PDPR: variants seen among roughly 807,000 people sequenced by gnomAD.
The protein encoded by PDPR is pyruvate dehydrogenase phosphatase regulatory subunit, also known as pyruvate dehydrogenase phosphatase regulatory subunit, mitochondrial.
PDPR carries 50 observed loss-of-function variants against 102.2 expected under a neutral mutation model. That is an observed-to-expected ratio of 0.49 (90% CI 0.39 to 0.62). PDPR has a LOEUF of 0.62. Among genes scored for constraint, PDPR ranks in the 20% least tolerant of loss-of-function variants. The probability of loss-of-function intolerance (pLI) is 0.00; values close to 1 mark genes in which losing one functional copy is unlikely to be tolerated. For missense variants in PDPR, 625 were observed against 1,098.2 expected (o/e 0.57, Z 6.09); for synonymous variants, 259 against 406.0 (o/e 0.64, Z 4.35).
intron 11 of PDPR, among the ~76,000 whole-genome samples, chr16:70,141,707 C>T (rs1422276090): frequency 3.9e-5 from 6 of 152,280 alleles, no homozygotes; most frequent in Admixed American, 2.0e-4. Context: ...TGCCGTGACA[C>T]GTAGCTCCAG....
intron 3 of PDPR, among the ~76,000 whole-genome samples, chr16:70,124,232 A>G (rs888133278): frequency 2.0e-5 from 3 of 152,222 alleles, no homozygotes; most frequent in African/African-American, 7.2e-5. Context: ...GCGTGGTGGC[A>G]TAAGCCTGTA....
chr16:70,153,551 A>T lies in PDPR; in HGVS notation c.2213A>T (p.Glu738Val), dbSNP rs1197872930. Residue 738 changes from glutamate (E) to valine (V), a missense_variant, in exon 18 of 19, where the codon GAG becomes GTG. Glu to Val is a moderately radical substitution (Grantham distance 121, BLOSUM62 -2). Coordinates refer to ENST00000288050, the MANE Select transcript of PDPR (RefSeq NM_017990.5). ...ACCACGCCCCTGGAATGTGGACGAGAGTCTCGGGTGAAATTAGAGAAGGTA... is the reference window on the plus strand; with the variant it reads ...ACCACGCCCCTGGAATGTGGACGAGTGTCTCGGGTGAAATTAGAGAAGGTA... ...NLTTPLECGR[E>V]SRVKLEKGMD... 4 of 1,607,794 alleles carry T rather than the reference A, an allele frequency of 2.5e-6. No homozygotes were observed. Among genetic ancestry groups the T allele is most frequent in the Non-Finnish European group, 2.5e-6 (3 of 1,177,650 alleles).
Position 70,153,526 on chromosome 16 carries a change from A to G in PDPR, c.2188A>G (p.Thr730Ala), listed in dbSNP as rs769099248. The change falls in exon 18 of 19, where the codon ACC (threonine) becomes GCC (alanine). Residue 730 changes from threonine (T) to alanine (A), a missense_variant. Thr to Ala is a moderately conservative substitution (Grantham distance 58). Transcript: ENST00000288050. ...CTGGGGTCAGGATATAAATAACCTC[A>G]CCACGCCCCTGGAATGTGGACGAGA... Reference protein sequence around the residue: ...AFWGQDINNLTTPLECGRESR... With the variant: ...AFWGQDINNLATPLECGRESR... 4 of 1,610,970 alleles carry G rather than the reference A, an allele frequency of 2.5e-6. No homozygotes were observed. The highest frequency in any genetic ancestry group is 3.4e-6 in the Non-Finnish European group (4 of 1,178,892).
chr16:70,158,967 T>A lies in PDPR; in HGVS notation c.*2088T>A, dbSNP rs1388884737. 6.6e-6 allele frequency: 1 copy of A among 152,360 alleles called. No individual in the cohort carries two copies. The highest frequency in any genetic ancestry group is 1.5e-5 in the Non-Finnish European group (1 of 68,082). 9.4% of individuals were successfully genotyped at this position (152,360 alleles called of 1,614,324 possible). A position where few individuals can be genotyped will look rare whatever the true frequency, so the allele number is the denominator to read the frequency against. ...ATAGACATAACTCTTCAACCTTAAC[T>A]ATGGCAATACATTTGTGCTTTAACT... On this transcript the variant is annotated 3_prime_UTR_variant, in exon 19 of 19. Transcript: ENST00000288050.
rs528978746 is a variant in PDPR, at chr16:70,154,667, G to A, written c.2235+1094G>A. Among the ~76,000 whole-genome samples, 547 of 152,206 alleles carry A rather than the reference G, an allele frequency of 3.6e-3. 3 individuals carry two copies. The highest frequency in any genetic ancestry group is 0.012 in the African/African-American group (512 of 41,484). On this transcript the variant is annotated intron_variant, in intron 18 of 18. Transcript: ENST00000288050. ...TTCTTTTGTTTTTGATTTTGAGGTG[G>A]GGTCTCATTCTGTCACCCAGGTTGG...
chr16:70,118,311 A>G (rs1185620926), intron 2 of PDPR, among the ~76,000 whole-genome samples: 3 of 152,246 alleles, frequency 2.0e-5, no homozygotes, highest in Non-Finnish European at 4.4e-5. Flanking sequence ...GTTTCAGGGA[A>G]TGAGATGAGC....
At chr16:70,162,561 A>G (rs1967892364), downstream of PDPR, 1 of 152,504 alleles carries the variant, frequency 6.6e-6, no homozygotes, top group Non-Finnish European at 1.5e-5. Flanking sequence ...AATGTTCTTC[A>G]TCTGTAGTGA....
At chr16:70,153,227 C>T (rs1470919882) in intron 17 of PDPR, among the ~76,000 whole-genome samples, 164 bp from the exon 18 acceptor site, 2 of 152,292 alleles carry the variant, frequency 1.3e-5, no homozygotes, top group African/African-American at 4.8e-5. Context: ...CAGCTCATCA[C>T]TCCTGGGCTG....
At chr16:70,154,381 C>A (rs1219382275) in intron 18 of PDPR, among the ~76,000 whole-genome samples, 1 of 152,254 alleles carries the variant, frequency 6.6e-6, no homozygotes. Flanking sequence ...CGGTGGCTCA[C>A]AACTGTAATC....
At chr16:70,152,134 C>T (rs1966784780) in intron 17 of PDPR, among the ~76,000 whole-genome samples, 1 of 152,294 alleles carries the variant, frequency 6.6e-6, no homozygotes, top group African/African-American at 2.4e-5. Flanking sequence ...TGTGGGTCTC[C>T]TGCACCCACC....
chr16:70,133,282 C>T (rs3972153), intron 9 of PDPR, among the ~76,000 whole-genome samples: 7 of 151,966 alleles, frequency 4.6e-5, no homozygotes, highest in African/African-American at 1.7e-4. Context: ...CCACCACTCC[C>T]GACTAATTTT....
At position 70,156,734 on chromosome 16, in the gene PDPR, C is replaced by G; in HGVS notation, c.2495C>G (p.Ala832Gly). The G allele has an allele frequency of 6.2e-7, 1 of 1,614,120 alleles. No homozygotes were observed. The highest frequency in any genetic ancestry group is 8.5e-7 in the Non-Finnish European group (1 of 1,179,912). ...ACGGGGGAAGAGCAAGTGGTGACAG[C>G]AGATTTCATCAACCGGGGAGAGTAT... The part of the protein sequence containing the change: ...EDTGEEQVVT[A>G]DFINRGEYEI... Residue 832 changes from alanine (A) to glycine (G), a missense_variant, in exon 19 of 19, where the codon GCA becomes GGA. Transcript: ENST00000288050.
In PDPR at chr16:70,157,167, G is replaced by C. The variant is rs1323605086; in HGVS notation, c.*288G>C. ...GGTATGTCTGACAGGACAGAAGCAAGCTCCACTGTGGACATGAGTGATGGT... is the reference window on the plus strand; with the variant it reads ...GGTATGTCTGACAGGACAGAAGCAACCTCCACTGTGGACATGAGTGATGGT... On this transcript the variant is annotated 3_prime_UTR_variant, in exon 19 of 19. Transcript: ENST00000288050. 1 of 634,502 alleles carries C rather than the reference G, an allele frequency of 1.6e-6. No homozygotes were observed. Among genetic ancestry groups the C allele is most frequent in the African/African-American group, 1.8e-5 (1 of 55,686 alleles). 39.3% of individuals were successfully genotyped at this position (634,502 alleles called of 1,614,324 possible).
At chr16:70,125,179 C>G (rs558971597) in intron 3 of PDPR, among the ~76,000 whole-genome samples, 153 of 152,230 alleles carry the variant, frequency 1.0e-3, no homozygotes, top group African/African-American at 3.5e-3. Flanking sequence ...GAATTCGAAA[C>G]CAGCCTGGCC....
At chr16:70,125,466 A>T (rs529786866) in intron 3 of PDPR, among the ~76,000 whole-genome samples, 1 of 151,620 alleles carries the variant, frequency 6.6e-6, no homozygotes, top group Non-Finnish European at 1.5e-5. Context: ...AGGCAGGAGA[A>T]TAGCTTGAAC....
intron 4 of PDPR, 104 bp from the exon 5 acceptor site, chr16:70,128,680 C>T: frequency 6.6e-7 from 1 of 1,515,008 alleles, no homozygotes; most frequent in Admixed American, 2.2e-5. Flanking sequence ...AGTGGCAGTC[C>T]CAGGATTCAT....
intron 4 of PDPR, among the ~76,000 whole-genome samples, chr16:70,128,088 C>T (rs1429851971): frequency 6.6e-6 from 1 of 152,266 alleles, no homozygotes; most frequent in African/African-American, 2.4e-5. Context: ...AAGGGAGAAT[C>T]CGACCCTTGG....
intron 17 of PDPR, among the ~76,000 whole-genome samples, chr16:70,149,852 G>T (rs537733401): frequency 6.6e-6 from 1 of 151,908 alleles, no homozygotes; most frequent in Non-Finnish European, 1.5e-5. Flanking sequence ...GTGCAGTGGC[G>T]CAATCTCGGC....
chr16:70,119,430 A>G (rs1487340869), intron 2 of PDPR, among the ~76,000 whole-genome samples: 1 of 150,354 alleles, frequency 6.7e-6, no homozygotes, highest in African/African-American at 2.5e-5. Context: ...TTTCCTTTGT[A>G]CTTTGAATAA....
Sources: gnomAD v4.1 joint callset for allele counts (sites outside exome capture counted in the v4.1 genomes callset) on GRCh38, gnomAD v4.1.1 for gene constraint, MANE v1.5 for transcripts, NCBI Gene and HGNC (gene_info 2026-07-23, HGNC 2026-07-21) for gene names.